The following RAB37 variants were observed in gnomAD, a reference collection of about 807,000 sequenced individuals.
RAB37 encodes ras-related protein Rab-37.
Under a neutral mutation model 33.1 loss-of-function variants are expected in RAB37, and 29 were observed. The ratio of observed to expected loss-of-function variants is 0.88; its 90% CI spans 0.65 to 1.20. RAB37 has a LOEUF of 1.20. Ranked by LOEUF, RAB37 falls within the 50% of genes most tolerant of loss-of-function variation. The pLI is 0.00. For missense variants in RAB37, 299 were observed against 301.1 expected (o/e 0.99, Z 0.05); for synonymous variants, 128 against 119.5 (o/e 1.07, Z -0.47).
upstream of RAB37, among the ~76,000 whole-genome samples, chr17:74,732,372 C>T (rs570317705): frequency 6.6e-6 from 1 of 151,466 alleles, no homozygotes; most frequent in East Asian, 1.9e-4. Flanking sequence ...CATCCCGACC[C>T]TGTGCTCTTT....
intron 1 of RAB37, among the ~76,000 whole-genome samples, chr17:74,686,316 C>A (rs1208021837): frequency 6.6e-6 from 1 of 152,126 alleles, no homozygotes; most frequent in Non-Finnish European, 1.5e-5. Flanking sequence ...TGGTGTCAAA[C>A]TCCTGAGCTC....
At chr17:74,706,540 T>C (rs2143820098) in intron 1 of RAB37, among the ~76,000 whole-genome samples, 2 of 152,130 alleles carry the variant, frequency 1.3e-5, no homozygotes, top group East Asian at 1.9e-4. Flanking sequence ...TGATGGCACA[T>C]GCCTGTAATC....
Position 74,730,717 on chromosome 17 carries a change from G to A in RAB37, c.183+1351G>A, listed in dbSNP as rs1016605000. Among the ~76,000 whole-genome samples, 6 of 152,028 alleles carry A rather than the reference G, an allele frequency of 3.9e-5. No homozygotes were observed. Among genetic ancestry groups the A allele is most frequent in the Non-Finnish European group, 8.8e-5 (6 of 67,976 alleles). On this transcript the variant is annotated intron_variant, in intron 2 of 7. Coordinates refer to the RAB37 transcript ENST00000340415. This position sits in a 1 kb window ranked among gnomAD's most constrained non-coding sequence, Gnocchi z 4.4. ...GCTCTCAGCAGCCAGGGCACACCCT[G>A]CCCTCAGGGTCACACCCGCATCTCC...
intron 1 of RAB37, chr17:74,694,954 C>A: frequency 3.2e-6 from 3 of 946,844 alleles, no homozygotes; most frequent in Non-Finnish European, 3.1e-6. Context: ...CAAGCCCAAC[C>A]CAGAGCTAGG....
At chr17:74,687,691 G>T (rs1400733468) in intron 1 of RAB37, among the ~76,000 whole-genome samples, 2 of 152,198 alleles carry the variant, frequency 1.3e-5, no homozygotes, top group African/African-American at 4.8e-5. Context: ...GCTCTCATTA[G>T]TGACAACCTT....
At position 74,746,072 on chromosome 17, in the gene RAB37, C is replaced by T. The variant is rs577178444; in HGVS notation, c.*661C>T. 3.9e-5 allele frequency: 6 copies of T among 152,378 alleles called. No individual in the cohort carries two copies. In the East Asian group the frequency reaches 9.6e-4, roughly 24 times the overall value. The allele number at this position is 152,378 out of a possible 1,614,324, so 9.4% of individuals were successfully genotyped here. A position where few individuals can be genotyped will look rare whatever the true frequency, so the allele number is the denominator to read the frequency against. On this transcript the variant is annotated 3_prime_UTR_variant, in exon 9 of 9. Coordinates refer to ENST00000392613, the MANE Select transcript of RAB37 (RefSeq NM_001006638.3). The surrounding 1 kb of genome is among the most constrained non-coding windows in gnomAD (Gnocchi z 5.2). ...AGGCATGCCCCTTTTCTCCAGCACA[C>T]AAGCACATTGGGGCACCTGGAAATA...
chr17:74,682,372 A>T (rs1394502783), intron 1 of RAB37, among the ~76,000 whole-genome samples: 1 of 152,076 alleles, frequency 6.6e-6, no homozygotes, highest in Non-Finnish European at 1.5e-5. Context: ...CTCCATTCAC[A>T]GGCAGGCTTC....
chr17:74,720,178 C>A (rs561844064), intron 1 of RAB37, among the ~76,000 whole-genome samples: 1 of 152,302 alleles, frequency 6.6e-6, no homozygotes, highest in South Asian at 2.1e-4. Context: ...TTGCTCGAAC[C>A]CACTGGGTTC....
chr17:74,743,301 G>A lies in RAB37; in HGVS notation c.327G>A (p.Leu109=), dbSNP rs370387782. The change falls in exon 5 of 9, where the codon CTG becomes CTA. Residue 109 remains leucine, a synonymous_variant. Transcript: ENST00000392613. ...YYRDAQALLL[L]YDITNKSSFD... ...TCTCCCCTCCAGCCTTGCTTCTGCT[G>A]TATGACATCACCAACAAATCTTCTT... The A allele has an allele frequency of 1.9e-6, 3 of 1,614,088 alleles. No individual in the cohort carries two copies. Among genetic ancestry groups the A allele is most frequent in the Admixed American group, 1.7e-5 (1 of 60,022 alleles).
chr17:74,708,427 T>G (rs2033687967), intron 1 of RAB37, among the ~76,000 whole-genome samples: 1 of 152,142 alleles, frequency 6.6e-6, no homozygotes, highest in Admixed American at 6.6e-5. Flanking sequence ...TTTCACGAGA[T>G]TAACATAATC....
At chr17:74,741,310 G>A (rs12953228) in intron 2 of RAB37, among the ~76,000 whole-genome samples, 4,738 of 152,186 alleles carry the variant, frequency 0.031, 106 homozygotes, top group Admixed American at 0.066. Flanking sequence ...GGCTTGGGCC[G>A]GGCATGGTGG....
chr17:74,687,053 A>G (rs2032067704), intron 1 of RAB37, among the ~76,000 whole-genome samples: 1 of 152,148 alleles, frequency 6.6e-6, no homozygotes, highest in Non-Finnish European at 1.5e-5. Flanking sequence ...GATTTCTACT[A>G]CACAAGGGTG....
Position 74,676,828 on chromosome 17 carries a change from A to G in RAB37, c.72+5170A>G, listed in dbSNP as rs187086363. On this transcript the variant is annotated intron_variant, in intron 1 of 7. Coordinates refer to the RAB37 transcript ENST00000340415. The surrounding 1 kb of genome is among the most constrained non-coding windows in gnomAD (Gnocchi z 4.1). The stretch of plus-strand genomic sequence containing the variant: ...AAGGTCATGTCTGACTGAATTTGAA[A>G]TGTCCTCTCTCACTTATGGCTTCTG... Among the ~76,000 whole-genome samples, 72 of 152,290 alleles carry G rather than the reference A, an allele frequency of 4.7e-4. No homozygotes were observed. The highest frequency in any genetic ancestry group is 3.4e-3 in the Middle Eastern group (1 of 294).
intron 1 of RAB37, among the ~76,000 whole-genome samples, chr17:74,714,950 C>T (rs143044430): frequency 3.7e-4 from 56 of 152,180 alleles, no homozygotes; most frequent in South Asian, 2.1e-3. Flanking sequence ...GGCAAAACCC[C>T]GTCTCTACTA....
At chr17:74,700,344 C>A (rs2032932401) in intron 1 of RAB37, among the ~76,000 whole-genome samples, 1 of 152,100 alleles carries the variant, frequency 6.6e-6, no homozygotes, top group Non-Finnish European at 1.5e-5. Context: ...ATTCCAGGCA[C>A]ATCCCCACAT....
chr17:74,729,400 T>C lies in RAB37; in HGVS notation c.183+34T>C. 1 of 1,473,310 alleles carries C rather than the reference T, an allele frequency of 6.8e-7. No homozygotes were observed. Among genetic ancestry groups the C allele is most frequent in the Non-Finnish European group, 9.5e-7 (1 of 1,051,410 alleles). The allele number at this position is 1,473,310 out of a possible 1,614,324, so 91.3% of individuals were successfully genotyped here. On this transcript the variant is annotated intron_variant, in intron 2 of 7. Coordinates refer to the RAB37 transcript ENST00000340415. The surrounding 1 kb of genome is among the most constrained non-coding windows in gnomAD (Gnocchi z 4.2). ...TGGCCGGCACTGCCAGCTCTGGGCC[T>C]GGGCTCAGGACCCCAGCGTGTTTCT...
chr17:74,673,895 C>T (rs1226947151), intron 1 of RAB37, among the ~76,000 whole-genome samples: 2 of 152,146 alleles, frequency 1.3e-5, no homozygotes, highest in East Asian at 1.9e-4. Context: ...CCTAATACTA[C>T]TTTATGATTG....
chr17:74,691,082 AT>A (rs1481693967), intron 1 of RAB37, among the ~76,000 whole-genome samples: 1 of 151,786 alleles, frequency 6.6e-6, no homozygotes, highest in Non-Finnish European at 1.5e-5. Flanking sequence ...AATTTTTTTA[AT>A]TTTTTTGTAG....
At chr17:74,735,216 A>AGAGGG (rs2034458099), upstream of RAB37, among the ~76,000 whole-genome samples, 1 of 89,682 alleles carries the variant, frequency 1.1e-5, no homozygotes, top group Non-Finnish European at 2.2e-5. Flanking sequence ...GGAAGGGAGG[A>AGAGGG]GAGGGGAGGG....
Sources: allele counts gnomAD v4.1 joint callset (sites outside exome capture counted in the v4.1 genomes callset), GRCh38; gene constraint gnomAD v4.1.1; non-coding constraint Gnocchi (gnomAD v3.1); transcripts MANE v1.5; gene names NCBI Gene and HGNC (gene_info 2026-07-23, HGNC 2026-07-21).